Variants in DYNC1LI1 observed in about 807,000 individuals in gnomAD.
DYNC1LI1 encodes the protein dynein cytoplasmic 1 light intermediate chain 1.
A neutral mutation model predicts 63.8 loss-of-function variants in DYNC1LI1; 19 were observed. The ratio of observed to expected loss-of-function variants is 0.30; its 90% CI spans 0.21 to 0.44. The LOEUF (loss-of-function observed/expected upper bound fraction) is 0.44, where lower values mean the gene tolerates loss of function less well. DYNC1LI1 is among the 20% of genes least tolerant of loss of function. The pLI, the probability that DYNC1LI1 is intolerant of heterozygous loss-of-function variation, is 1.00. For synonymous variants in DYNC1LI1, 225 were observed against 232.3 expected, an observed-to-expected ratio of 0.97 and a Z score of 0.28; for missense variants, 565 against 630.2, an observed-to-expected ratio of 0.90 and a Z score of 1.11.
intron 3 of DYNC1LI1, 148 bp downstream of exon 3, chr3:32,545,701 G>A (rs1411972104): frequency 1.2e-5 from 8 of 681,178 alleles, no homozygotes; most frequent in East Asian, 1.1e-4. Context: ...ATTAATAAAA[G>A]TATGGCTAAA....
At position 32,538,067 on chromosome 3, in the gene DYNC1LI1, T is replaced by TTA. The variant is rs1312593963; in HGVS notation, c.739-965_739-964dup. On this transcript the variant is annotated intron_variant, in intron 5 of 12. Transcript: ENST00000273130. Reference sequence around the variant, plus strand: ...TATATAATTATATATATATAATTTATTATATATATATATAAAATTTATATA... The same window carrying TTA: ...TATATAATTATATATATATAATTTATTATATATATATATATAAAATTTATATA... Among the ~76,000 whole-genome samples, 113 of 68,870 alleles carry TTA rather than the reference T, an allele frequency of 1.6e-3. 10 individuals carry two copies. Among genetic ancestry groups the TTA allele is most frequent in the South Asian group, 2.8e-3 (8 of 2,868 alleles). 45.2% of individuals were successfully genotyped at this position (68,870 alleles called of 152,430 possible).
intron 2 of DYNC1LI1, among the ~76,000 whole-genome samples, chr3:32,549,353 C>G (rs998574607): frequency 2.0e-5 from 3 of 151,338 alleles, no homozygotes; most frequent in African/African-American, 7.3e-5. Context: ...ATTTAAATCA[C>G]CATGTGAAGA....
intron 2 of DYNC1LI1, among the ~76,000 whole-genome samples, chr3:32,561,628 C>CAA (rs562836430): frequency 2.6e-4 from 33 of 127,856 alleles, no homozygotes; most frequent in African/African-American, 9.2e-4. Context: ...GACTTCATCT[C>CAA]AAAAAAAAAA....
At chr3:32,539,391 T>C (rs923849051) in intron 5 of DYNC1LI1, among the ~76,000 whole-genome samples, 2 of 152,136 alleles carry the variant, frequency 1.3e-5, no homozygotes, top group Non-Finnish European at 2.9e-5. Flanking sequence ...TAATTTTACA[T>C]GTGCAAATTT....
Position 32,537,023 on chromosome 3 carries a change from A to G in DYNC1LI1, c.820T>C (p.Phe274Leu), listed in dbSNP as rs1411257089. ...FDFIQSHIRK[F>L]CLQYGAALIY... is the part of the protein sequence containing the mutation. The stretch of plus-strand genomic sequence containing the variant: ...TTTAAAAGGATACACTGTAAACAAA[A>G]CTTCCGGATATGTGACTGAATAAAA... Residue 274 changes from phenylalanine (F) to leucine (L), a missense_variant, in exon 6 of 13, where the codon TTT (phenylalanine) becomes CTT (leucine). By Grantham distance (22) the Phe-to-Leu change is conservative (BLOSUM62 0). Transcript: ENST00000273130. 9 of 1,583,018 alleles carry G rather than the reference A, an allele frequency of 5.7e-6. No homozygotes were observed. Among genetic ancestry groups the G allele is most frequent in the Non-Finnish European group, 7.8e-6 (9 of 1,159,912 alleles).
intron 2 of DYNC1LI1, among the ~76,000 whole-genome samples, chr3:32,561,226 C>T (rs1341348084): frequency 1.3e-5 from 2 of 151,432 alleles, no homozygotes; most frequent in Non-Finnish European, 2.9e-5. Flanking sequence ...AATTAAATCA[C>T]CTTTACATTA....
Position 32,533,070 on chromosome 3 carries a change from TTTC to T in DYNC1LI1, c.993_995del (p.Lys332del). On this transcript the variant is annotated inframe_deletion, in exon 8 of 13. Coordinates refer to ENST00000273130, the MANE Select transcript of DYNC1LI1 (RefSeq NM_016141.4). ...GAAAATTTTCATGTAATATTCCTAT[TTTC>T]TTATCATTATCCCACCCTGCTGGAC... 1 of 1,602,060 alleles carries T rather than the reference TTTC, an allele frequency of 6.2e-7. No individual in the cohort carries two copies. Among genetic ancestry groups the T allele is most frequent in the Non-Finnish European group, 8.5e-7 (1 of 1,177,506 alleles).
intron 2 of DYNC1LI1, among the ~76,000 whole-genome samples, chr3:32,563,152 A>C (rs1698215289): frequency 6.6e-6 from 1 of 152,176 alleles, no homozygotes; most frequent in African/African-American, 2.4e-5. Context: ...AAAGCATTTT[A>C]TACATGACAT....
At chr3:32,570,215 A>T in intron 2 of DYNC1LI1, 131 bp downstream of exon 2, 3 of 791,582 alleles carry the variant, frequency 3.8e-6, no homozygotes, top group Non-Finnish European at 6.4e-6. Context: ...CATCCGCGAC[A>T]GGTCGGGAGG....
chr3:32,526,162 TTTC>T lies in DYNC1LI1; in HGVS notation c.*634_*636del, dbSNP rs1338033610. 1 of 152,630 alleles carries T rather than the reference TTTC, an allele frequency of 6.6e-6. No individual in the cohort carries two copies. Among genetic ancestry groups the T allele is most frequent in the African/African-American group, 2.4e-5 (1 of 41,442 alleles). 9.5% of individuals were successfully genotyped at this position (152,630 alleles called of 1,614,324 possible). A position where few individuals can be genotyped will look rare whatever the true frequency, so the allele number is the denominator to read the frequency against. ...TCTTTTACACATTTAGGCAGTGTGC[TTTC>T]TTTTCTCCTCAGTTAAAGCAACACC... On this transcript the variant is annotated 3_prime_UTR_variant, in exon 13 of 13. Coordinates refer to ENST00000273130, the MANE Select transcript of DYNC1LI1 (RefSeq NM_016141.4).
In DYNC1LI1 at chr3:32,544,924, C is replaced by T; in HGVS notation, c.520G>A (p.Asp174Asn). Reference sequence around the variant, plus strand: ...TCTTCAGGAGGGATTTTCAGTTTGTCAACATGTTCTCTAACAACACTTGCC... The same window carrying T: ...TCTTCAGGAGGGATTTTCAGTTTGTTAACATGTTCTCTAACAACACTTGCC... Reference protein sequence around the residue: ...KWASVVREHVDKLKIPPEEMK... With the variant: ...KWASVVREHVNKLKIPPEEMK... Residue 174 changes from aspartate (D) to asparagine (N), a missense_variant, in exon 4 of 13, where the codon GAC becomes AAC. Coordinates refer to ENST00000273130, the MANE Select transcript of DYNC1LI1 (RefSeq NM_016141.4). 1 of 1,613,952 alleles carries T rather than the reference C, an allele frequency of 6.2e-7. No homozygotes were observed. Among genetic ancestry groups the T allele is most frequent in the South Asian group, 1.1e-5 (1 of 91,054 alleles).
rs1697946292 is a variant in DYNC1LI1 at position 32,545,934 on chromosome 3, T to G, written c.252A>C (p.Ile84=). The G allele has an allele frequency of 6.2e-7, 1 of 1,612,234 alleles. No homozygotes were observed. Among genetic ancestry groups the G allele is most frequent in the Non-Finnish European group, 8.5e-7 (1 of 1,178,782 alleles). ...GEDGAGKTSL[I]RKIQGIEEYK... is the part of the protein sequence containing the mutation. ...ACTCCTCTATTCCCTGAATTTTTCT[T>G]ATTAAGCTTGTTTTTCCAGCTCCAT... is the stretch of plus-strand genomic sequence containing the variant. Residue 84 remains isoleucine, a synonymous_variant, in exon 3 of 13, where the codon ATA becomes ATC. Transcript: ENST00000273130.
In DYNC1LI1 at chr3:32,545,064, T is replaced by A; in HGVS notation, c.380A>T (p.Tyr127Phe). ...TGAAAATTTAAGGAGGCCTTTGTGA[T>A]ATAGGTCTCCATCTAAGATCCAAAC... is the stretch of plus-strand genomic sequence containing the variant. ...CNVWILDGDL[Y>F]HKGLLKFSLD... is the part of the protein sequence containing the mutation. Residue 127 changes from tyrosine to phenylalanine, a missense_variant, in exon 4 of 13, where the codon TAT becomes TTT. Physicochemically the swap from Tyr to Phe is conservative, Grantham distance 22. Transcript: ENST00000273130. 2 of 1,613,822 alleles carry A rather than the reference T, an allele frequency of 1.2e-6. No individual in the cohort carries two copies. Among genetic ancestry groups the A allele is most frequent in the Non-Finnish European group, 8.5e-7 (1 of 1,179,704 alleles).
At chr3:32,533,162 G>C in intron 7 of DYNC1LI1, 65 bp from the exon 8 acceptor site, 2 of 1,486,704 alleles carry the variant, frequency 1.3e-6, no homozygotes, top group Non-Finnish European at 8.9e-7. Context: ...TTCAGTCCAA[G>C]ATCATGTAAA....
rs185293839 is a variant in DYNC1LI1 at position 32,548,490 on chromosome 3, G to A, written c.221-2525C>T. Among the ~76,000 whole-genome samples the A allele has an allele frequency of 1.2e-3, 188 of 152,256 alleles. 1 individual carries two copies. Among genetic ancestry groups the A allele is most frequent in the Non-Finnish European group, 2.0e-3 (133 of 68,030 alleles). On this transcript the variant is annotated intron_variant, in intron 2 of 12. Transcript: ENST00000273130. ...TGTTAAATAAAACAAGCCAGGCACC[G>A]AAAAGCAAATGCTCCATGATCTCAC...
chr3:32,534,085 G>GC lies in DYNC1LI1; in HGVS notation c.968+425dup, dbSNP rs143841508. ...TTAGAGAGGGGGTTTCGCCATGTTG[G>GC]CCAGGCTTGTCTCGAACTCCTGACA... is the stretch of plus-strand genomic sequence containing the variant. On this transcript the variant is annotated intron_variant, in intron 7 of 12. Coordinates refer to ENST00000273130, the MANE Select transcript of DYNC1LI1 (RefSeq NM_016141.4). 4.5e-3 allele frequency among the ~76,000 whole-genome samples: 674 copies of GC among 151,334 alleles called. 5 individuals carry two copies. Among genetic ancestry groups the GC allele is most frequent in the African/African-American group, 0.016 (650 of 41,232 alleles).
intron 4 of DYNC1LI1, 68 bp from the exon 5 acceptor site, chr3:32,541,274 C>A: frequency 9.3e-7 from 1 of 1,072,728 alleles, no homozygotes; most frequent in Non-Finnish European, 1.3e-6. Flanking sequence ...TTGCCATAAT[C>A]TAAAGATAAA....
intron 7 of DYNC1LI1, 67 bp from the exon 8 acceptor site, chr3:32,533,164 T>C: frequency 3.4e-6 from 5 of 1,484,216 alleles, no homozygotes; most frequent in Non-Finnish European, 4.4e-6. Context: ...CAGTCCAAGA[T>C]CATGTAAAAG....
At chr3:32,539,661 G>A (rs926031711) in intron 5 of DYNC1LI1, among the ~76,000 whole-genome samples, 4 of 151,048 alleles carry the variant, frequency 2.6e-5, no homozygotes, top group South Asian at 2.1e-4. Flanking sequence ...TCAGCCTCCC[G>A]AGTAGCTGGG....
Sources: gnomAD v4.1 joint callset for allele counts (sites outside exome capture counted in the v4.1 genomes callset) on GRCh38, gnomAD v4.1.1 for gene constraint, MANE v1.5 for transcripts, NCBI Gene and HGNC (gene_info 2026-07-23, HGNC 2026-07-21) for gene names.